The following RNF220 variants were observed in gnomAD, a reference collection of about 807,000 sequenced individuals.
RNF220 encodes the protein ring finger protein 220.
RNF220 carries 7 observed loss-of-function variants against 67.1 expected under a neutral mutation model. The ratio of observed to expected loss-of-function variants is 0.10; its 90% CI spans 0.06 to 0.20. The LOEUF (loss-of-function observed/expected upper bound fraction) is 0.20, where lower values mean the gene tolerates loss of function less well. RNF220 is among the 10% of genes least tolerant of loss of function. The pLI, the probability that RNF220 is intolerant of heterozygous loss-of-function variation, is 1.00. For missense variants in RNF220, 565 were observed against 740.3 expected, an observed-to-expected ratio of 0.76 and a Z score of 2.75; for synonymous variants, 270 against 283.2, an observed-to-expected ratio of 0.95 and a Z score of 0.47.
At chr1:44,610,012 C>T (rs1197604290) in intron 2 of RNF220, among the ~76,000 whole-genome samples, 1 of 152,218 alleles carries the variant, frequency 6.6e-6, no homozygotes, top group Non-Finnish European at 1.5e-5. Context: ...CCTCCCCTCC[C>T]TGCCCTCCTC....
rs187216753 is a variant in RNF220 at position 44,529,709 on chromosome 1, T to G, written c.626-84456T>G. Among the ~76,000 whole-genome samples the G allele has an allele frequency of 6.6e-5, 10 of 152,280 alleles. No individual in the cohort carries two copies. The East Asian group carries it at 1.9e-3, about 29-fold the overall frequency. Reference sequence around the variant, plus strand: ...ATTTATATTTTAAAAAGGAGATTTATTTGAAAAACATAAAAGCACGACAGA... The same window carrying G: ...ATTTATATTTTAAAAAGGAGATTTAGTTGAAAAACATAAAAGCACGACAGA... On this transcript the variant is annotated intron_variant, in intron 2 of 14. Coordinates refer to ENST00000361799, the MANE Select transcript of RNF220 (RefSeq NM_018150.4).
At position 44,554,860 on chromosome 1, in the gene RNF220, TCAGAC is replaced by T. The variant is rs576683872; in HGVS notation, c.626-59303_626-59299del. 3.3e-4 allele frequency among the ~76,000 whole-genome samples: 51 copies of T among 152,294 alleles called. 1 individual carries two copies. Among genetic ancestry groups the T allele is most frequent in the Admixed American group, 2.8e-3 (43 of 15,290 alleles). On this transcript the variant is annotated intron_variant, in intron 2 of 14. Coordinates refer to ENST00000361799, the MANE Select transcript of RNF220 (RefSeq NM_018150.4). ...ATCTCCACTGCTTGGTTGTTCTAGTTCAGACCTGTCTTTGTCCCTCCTCTTAGATT... is the reference window on the plus strand; with the variant it reads ...ATCTCCACTGCTTGGTTGTTCTAGTTCTGTCTTTGTCCCTCCTCTTAGATT...
intron 2 of RNF220, among the ~76,000 whole-genome samples, chr1:44,515,348 T>C (rs1278834669): frequency 1.3e-5 from 2 of 152,128 alleles, no homozygotes; most frequent in African/African-American, 2.4e-5. Flanking sequence ...ATTGAGTAGA[T>C]GGTTCTTGAA....
intron 2 of RNF220, among the ~76,000 whole-genome samples, chr1:44,448,257 G>T (rs564060397): frequency 6.6e-6 from 1 of 152,212 alleles, no homozygotes; most frequent in African/African-American, 2.4e-5. Flanking sequence ...CGAGATTGCC[G>T]CACTGCAGCC....
At position 44,445,637 on chromosome 1, in the gene RNF220, G is replaced by A. The variant is rs370302936; in HGVS notation, c.625+32915G>A. Among the ~76,000 whole-genome samples the A allele has an allele frequency of 3.9e-5, 6 of 151,998 alleles. No homozygotes were observed. In the East Asian group the frequency reaches 1.2e-3, roughly 29 times the overall value. ...TTCTTCCCTTTACTCTTAATTGGGAGAATACCTGCACATCTTCTGAAACTC... is the reference window on the plus strand; with the variant it reads ...TTCTTCCCTTTACTCTTAATTGGGAAAATACCTGCACATCTTCTGAAACTC... On this transcript the variant is annotated intron_variant, in intron 2 of 14. Transcript: ENST00000361799.
chr1:44,515,260 G>T (rs1178932208), intron 2 of RNF220, among the ~76,000 whole-genome samples: 1 of 152,180 alleles, frequency 6.6e-6, no homozygotes, highest in Non-Finnish European at 1.5e-5. Context: ...ACGGGAGAAG[G>T]GTAGCAGGGT....
At chr1:44,433,261 A>G (rs1650604223) in intron 2 of RNF220, among the ~76,000 whole-genome samples, 1 of 152,132 alleles carries the variant, frequency 6.6e-6, no homozygotes, top group African/African-American at 2.4e-5. Context: ...TTGTCCTTTA[A>G]TGAACATTGT....
chr1:44,434,855 T>TAAA lies in RNF220; in HGVS notation c.625+22146_625+22148dup, dbSNP rs77667821. ...GGGCAACATAGCAACACTCCATTTC[T>TAAA]AAAAAAAAAAAAAAATTAAAAATTA... On this transcript the variant is annotated intron_variant, in intron 2 of 14. Coordinates refer to ENST00000361799, the MANE Select transcript of RNF220 (RefSeq NM_018150.4). Among the ~76,000 whole-genome samples, 8 of 139,406 alleles carry TAAA rather than the reference T, an allele frequency of 5.7e-5. No homozygotes were observed. In the East Asian group the frequency reaches 1.7e-3, roughly 29 times the overall value. The allele number at this position is 139,406 out of a possible 152,430, so 91.5% of individuals were successfully genotyped here.
chr1:44,507,839 C>T (rs1053590277), intron 2 of RNF220, among the ~76,000 whole-genome samples: 7 of 152,072 alleles, frequency 4.6e-5, no homozygotes, highest in African/African-American at 1.7e-4. Flanking sequence ...GAACCAAGGG[C>T]TCAGAATGCT....
chr1:44,553,243 G>T (rs156256), intron 2 of RNF220, among the ~76,000 whole-genome samples: 95,572 of 151,794 alleles, frequency 0.63, 31,045 homozygotes, highest in Non-Finnish European at 0.71. Flanking sequence ...CCTGCTTGTC[G>T]GTCTCTCCAA....
chr1:44,411,171 A>G (rs1457535716), intron 1 of RNF220, among the ~76,000 whole-genome samples: 2 of 152,234 alleles, frequency 1.3e-5, no homozygotes, highest in African/African-American at 4.8e-5. Context: ...TGCCCTTAGA[A>G]GACAGATGCT....
rs569487906 is a variant in RNF220, at chr1:44,571,670, G to A, written c.626-42495G>A. Among the ~76,000 whole-genome samples the A allele has an allele frequency of 9.8e-5, 15 of 152,308 alleles. No individual in the cohort carries two copies. The South Asian group carries it at 3.1e-3, about 32-fold the overall frequency. ...CTTCCATGTAAATGCTACACCATAT[G>A]CCAGCAGCTTCTAAATCTTAACTTC... On this transcript the variant is annotated intron_variant, in intron 2 of 14. Coordinates refer to ENST00000361799, the MANE Select transcript of RNF220 (RefSeq NM_018150.4).
intron 2 of RNF220, among the ~76,000 whole-genome samples, chr1:44,513,477 T>TA (rs1659197967): frequency 6.8e-6 from 1 of 147,678 alleles, no homozygotes; most frequent in Non-Finnish European, 1.5e-5. Flanking sequence ...AAAGGCCCTT[T>TA]TAAAAAAAAA....
intron 2 of RNF220, among the ~76,000 whole-genome samples, chr1:44,550,866 C>G (rs557777452): frequency 1.3e-5 from 2 of 152,142 alleles, no homozygotes; most frequent in African/African-American, 4.8e-5. Context: ...GTTGGACCCC[C>G]TGTTCATTTC....
rs1663932795 is a variant in RNF220 at position 44,565,525 on chromosome 1, G to A, written c.626-48640G>A. 6.6e-6 allele frequency among the ~76,000 whole-genome samples: 1 copy of A among 152,176 alleles called. No homozygotes were observed. ...CAGGAAGCAGTGGGCCCATTCCTCA[G>A]CGCTAATGCCCCCAGCCTAACACAA... On this transcript the variant is annotated intron_variant, in intron 2 of 14. Transcript: ENST00000361799. This position sits in a 1 kb window ranked among gnomAD's most constrained non-coding sequence, Gnocchi z 4.2.
chr1:44,431,609 G>A (rs563003082), intron 2 of RNF220, among the ~76,000 whole-genome samples: 1 of 152,056 alleles, frequency 6.6e-6, no homozygotes, highest in South Asian at 2.1e-4. Flanking sequence ...CATTTAACCA[G>A]CTCTGTTTGT....
chr1:44,553,770 G>C (rs1022472513), intron 2 of RNF220, among the ~76,000 whole-genome samples: 72 of 152,142 alleles, frequency 4.7e-4, no homozygotes, highest in African/African-American at 1.5e-3. Flanking sequence ...GCCCACGAAT[G>C]GGGTAACAAA....
intron 2 of RNF220, among the ~76,000 whole-genome samples, chr1:44,459,406 C>G (rs147755738): frequency 6.6e-6 from 1 of 152,198 alleles, no homozygotes; most frequent in East Asian, 1.9e-4. Flanking sequence ...CCAATGTCTT[C>G]TACCCAATTT....
At chr1:44,479,237 TC>T (rs1212652215) in intron 2 of RNF220, among the ~76,000 whole-genome samples, 1 of 151,586 alleles carries the variant, frequency 6.6e-6, no homozygotes, top group Non-Finnish European at 1.5e-5. Flanking sequence ...TGCCTCAGCC[TC>T]CCGAGTAGCT....
Sources: allele counts gnomAD v4.1 joint callset (sites outside exome capture counted in the v4.1 genomes callset), GRCh38; gene constraint gnomAD v4.1.1; non-coding constraint Gnocchi (gnomAD v3.1); transcripts MANE v1.5; gene names NCBI Gene and HGNC (gene_info 2026-07-23, HGNC 2026-07-21).